TBX20: variants seen among roughly 807,000 people sequenced by gnomAD.
TBX20 encodes the protein T-box transcription factor TBX20.
Under a neutral mutation model 42.9 loss-of-function variants are expected in TBX20, and 8 were observed. That is an observed-to-expected ratio of 0.19 (90% CI 0.11 to 0.34). The LOEUF (loss-of-function observed/expected upper bound fraction) is 0.34, where lower values mean the gene tolerates loss of function less well. TBX20 is among the 10% of genes least tolerant of loss of function. TBX20 has a pLI of 1.00. For missense variants in TBX20, 411 were observed against 566.0 expected (o/e 0.73, Z 2.78); for synonymous variants, 198 against 222.8 (o/e 0.89, Z 0.99).
intron 6 of TBX20, among the ~76,000 whole-genome samples, chr7:35,210,900 T>G (rs1420902012): frequency 6.6e-6 from 1 of 152,176 alleles, no homozygotes; most frequent in Admixed American, 6.5e-5. Context: ...ATTATTGATA[T>G]AGTTAAGTTG....
intron 5 of TBX20, among the ~76,000 whole-genome samples, chr7:35,236,555 A>G (rs1047983163): frequency 3.9e-5 from 6 of 152,152 alleles, no homozygotes; most frequent in African/African-American, 1.4e-4. Flanking sequence ...ATGCTAACCC[A>G]CAAGTTCATT....
intron 6 of TBX20, among the ~76,000 whole-genome samples, chr7:35,215,497 G>C (rs1432794189): frequency 6.6e-6 from 1 of 152,156 alleles, no homozygotes; most frequent in Non-Finnish European, 1.5e-5. Flanking sequence ...CACCGAACAG[G>C]TCAAGTGATT....
chr7:35,203,967 T>C (rs1211091954), intron 7 of TBX20, among the ~76,000 whole-genome samples: 1 of 152,256 alleles, frequency 6.6e-6, no homozygotes, highest in Non-Finnish European at 1.5e-5. Context: ...CTTTGTTCAG[T>C]TCCTGCTGTC....
At chr7:35,236,828 C>G (rs1283489215) in intron 5 of TBX20, among the ~76,000 whole-genome samples, 13 of 152,114 alleles carry the variant, frequency 8.5e-5, no homozygotes, top group Non-Finnish European at 1.8e-4. Flanking sequence ...GGTTACTCAG[C>G]AATGAAATGA....
chr7:35,223,217 A>G (rs1264959539), intron 6 of TBX20, among the ~76,000 whole-genome samples: 1 of 152,220 alleles, frequency 6.6e-6, no homozygotes, highest in Non-Finnish European at 1.5e-5. Flanking sequence ...AGCAGCTATG[A>G]TGGGAACAGT....
Position 35,250,134 on chromosome 7 carries a change from T to TC in TBX20, c.196dup (p.Glu66GlyfsTer18), listed in dbSNP as rs751879900. On this transcript the variant is annotated frameshift_variant, in exon 2 of 8. Coordinates refer to ENST00000408931, the MANE Select transcript of TBX20 (RefSeq NM_001077653.2). LOFTEE classifies it high-confidence loss of function. The stretch of plus-strand genomic sequence containing the variant: ...GCTGCTGCCACTGCCTCCACCAAAC[T>TC]CCCCATGAGCATCCAGGCTGGTCAG... 1 of 1,613,640 alleles carries TC rather than the reference T, an allele frequency of 6.2e-7. No individual in the cohort carries two copies. The highest frequency in any genetic ancestry group is 8.5e-7 in the Non-Finnish European group (1 of 1,179,914).
At chr7:35,224,296 T>G (rs1789733165) in intron 6 of TBX20, among the ~76,000 whole-genome samples, 1 of 152,208 alleles carries the variant, frequency 6.6e-6, no homozygotes, top group Non-Finnish European at 1.5e-5. Context: ...CAAAACCAAC[T>G]AATTGTTTCA....
chr7:35,203,948 A>C (rs932530065), intron 7 of TBX20, among the ~76,000 whole-genome samples: 1 of 152,238 alleles, frequency 6.6e-6, no homozygotes, highest in Non-Finnish European at 1.5e-5. Context: ...AGCCTTGGGA[A>C]CAGAGAAACT....
At chr7:35,210,306 C>T (rs1306318110) in intron 6 of TBX20, among the ~76,000 whole-genome samples, 1 of 151,298 alleles carries the variant, frequency 6.6e-6, no homozygotes, top group Non-Finnish European at 1.5e-5. Flanking sequence ...TAGTAGAGAC[C>T]GGGTTTCACC....
intron 5 of TBX20, 150 bp downstream of exon 5, chr7:35,240,729 C>G: frequency 2.8e-6 from 2 of 705,806 alleles, no homozygotes; most frequent in Non-Finnish European, 4.8e-6. Context: ...ACTCAACACA[C>G]TCTTAGAGTT....
At chr7:35,243,885 G>A (rs1213249942) in intron 4 of TBX20, among the ~76,000 whole-genome samples, 2 of 152,220 alleles carry the variant, frequency 1.3e-5, no homozygotes, top group African/African-American at 4.8e-5. Flanking sequence ...TGTGGGCAGA[G>A]GGATAGTGCT....
At chr7:35,211,301 T>C (rs1268403127) in intron 6 of TBX20, among the ~76,000 whole-genome samples, 1 of 152,182 alleles carries the variant, frequency 6.6e-6, no homozygotes, top group Admixed American at 6.5e-5. Context: ...AATCTACTTA[T>C]CCATGTAGTT....
chr7:35,248,663 C>G lies in TBX20; in HGVS notation c.545+14G>C, dbSNP rs774231359. On this transcript the variant is annotated intron_variant, in intron 3 of 7. Coordinates refer to ENST00000408931, the MANE Select transcript of TBX20 (RefSeq NM_001077653.2). ...ACTAACAGTTTTCTCAGTGAAAAAT[C>G]TGGAGGCACGAACCTGGCTGGCAAC... 1.9e-6 allele frequency: 3 copies of G among 1,613,932 alleles called. No homozygotes were observed. The highest frequency in any genetic ancestry group is 2.5e-6 in the Non-Finnish European group (3 of 1,180,000).
At chr7:35,243,038 C>T (rs968542124) in intron 4 of TBX20, among the ~76,000 whole-genome samples, 1 of 152,100 alleles carries the variant, frequency 6.6e-6, no homozygotes, top group South Asian at 2.1e-4. Context: ...ATTGCAGTGG[C>T]ACAACCACAA....
At chr7:35,220,258 T>C (rs1201052356) in intron 6 of TBX20, among the ~76,000 whole-genome samples, 7 of 152,178 alleles carry the variant, frequency 4.6e-5, no homozygotes, top group Admixed American at 6.5e-5. Flanking sequence ...AAGCAGATCT[T>C]TGAGCAGTTC....
chr7:35,206,566 T>C (rs1317179718), intron 6 of TBX20, among the ~76,000 whole-genome samples: 2 of 151,990 alleles, frequency 1.3e-5, no homozygotes, highest in Non-Finnish European at 2.9e-5. Context: ...AAAATAGAAA[T>C]AAAGTGTATA....
intron 6 of TBX20, among the ~76,000 whole-genome samples, chr7:35,220,758 A>C (rs1789668525): frequency 6.6e-6 from 1 of 152,256 alleles, no homozygotes; most frequent in African/African-American, 2.4e-5. Context: ...AAAAGTTATT[A>C]ACAGAGCAGA....
intron 5 of TBX20, among the ~76,000 whole-genome samples, chr7:35,240,185 C>T (rs1790048322): frequency 6.6e-6 from 1 of 152,178 alleles, no homozygotes; most frequent in African/African-American, 2.4e-5. Flanking sequence ...TTGCATTATG[C>T]TTACAGGTTA....
chr7:35,234,914 ACTT>A (rs1789933923), intron 5 of TBX20, among the ~76,000 whole-genome samples: 1 of 151,988 alleles, frequency 6.6e-6, no homozygotes, highest in African/African-American at 2.4e-5. Flanking sequence ...TGTGGATTAA[ACTT>A]CTTTGTGAGC....
Sources: gnomAD v4.1 joint callset for allele counts (sites outside exome capture counted in the v4.1 genomes callset) on GRCh38, gnomAD v4.1.1 for gene constraint, MANE v1.5 for transcripts, NCBI Gene and HGNC (gene_info 2026-07-23, HGNC 2026-07-21) for gene names.